The following CACNA2D3 variants were observed in gnomAD, a reference collection of about 807,000 sequenced individuals.
CACNA2D3 encodes the protein voltage-dependent calcium channel subunit alpha-2/delta-3.
CACNA2D3 carries 60 observed loss-of-function variants against 160.6 expected under a neutral mutation model. The ratio of observed to expected loss-of-function variants is 0.37; its 90% confidence interval spans 0.30 to 0.46. CACNA2D3 has a LOEUF of 0.46. Ranked by LOEUF, CACNA2D3 falls within the 20% of genes least tolerant of loss-of-function variation. The pLI is 1.00. For missense variants in CACNA2D3, 1,205 were observed against 1,365.0 expected, an observed-to-expected ratio of 0.88 and a Z score of 1.85; for synonymous variants, 558 against 492.9, an observed-to-expected ratio of 1.13 and a Z score of -1.75.
In CACNA2D3 at chr3:54,284,504, C is replaced by T. The variant is rs532029916; in HGVS notation, c.205-35938C>T. Among the ~76,000 whole-genome samples, 3 of 152,172 alleles carry T rather than the reference C, an allele frequency of 2.0e-5. No homozygotes were observed. The East Asian group carries it at 5.8e-4, about 29-fold the overall frequency. ...GTATATGGGAACTCTATTCCCTTTA[C>T]AGCTTTTCTGTAAATCTAGAATTAT... On this transcript the variant is annotated intron_variant, in intron 2 of 37. Coordinates refer to ENST00000474759, the MANE Select transcript of CACNA2D3 (RefSeq NM_018398.3).
chr3:54,143,457 T>C (rs946331165), intron 2 of CACNA2D3, among the ~76,000 whole-genome samples: 9 of 152,184 alleles, frequency 5.9e-5, no homozygotes, highest in African/African-American at 2.2e-4. Flanking sequence ...AACAACAAAC[T>C]GCTATCCCAT....
At chr3:54,404,021 A>G (rs1699525751) in intron 4 of CACNA2D3, among the ~76,000 whole-genome samples, 2 of 152,230 alleles carry the variant, frequency 1.3e-5, no homozygotes, top group South Asian at 4.1e-4. Flanking sequence ...ATAAAAGCCC[A>G]GGACCAGATG....
At chr3:54,401,535 C>T (rs1028424607) in intron 4 of CACNA2D3, among the ~76,000 whole-genome samples, 7 of 152,098 alleles carry the variant, frequency 4.6e-5, no homozygotes, top group African/African-American at 9.7e-5. Context: ...GGGAAATCAT[C>T]GTTAGAATGT....
chr3:54,734,894 A>G (rs923044480), intron 11 of CACNA2D3, among the ~76,000 whole-genome samples: 3 of 152,246 alleles, frequency 2.0e-5, no homozygotes, highest in Non-Finnish European at 4.4e-5. Flanking sequence ...GATGGGGATT[A>G]GCATCCAGAA....
At chr3:54,493,101 G>C (rs1212884411) in intron 4 of CACNA2D3, among the ~76,000 whole-genome samples, 1 of 113,618 alleles carries the variant, frequency 8.8e-6, no homozygotes, top group South Asian at 3.0e-4. Flanking sequence ...TTTTGGAGAC[G>C]GAGTCAGGCT....
At chr3:54,890,509 A>AC (rs1310284990) in intron 24 of CACNA2D3, among the ~76,000 whole-genome samples, 1 of 151,396 alleles carries the variant, frequency 6.6e-6, no homozygotes, top group East Asian at 1.9e-4. Context: ...AAAAAAAAAA[A>AC]AAAAAGAAAA....
At chr3:54,634,063 T>G (rs559658403) in intron 10 of CACNA2D3, among the ~76,000 whole-genome samples, 1 of 152,334 alleles carries the variant, frequency 6.6e-6, no homozygotes, top group Non-Finnish European at 1.5e-5. Context: ...CTCAAGTTAC[T>G]GCAACTTCAG....
At chr3:54,998,422 C>T (rs1702905446) in intron 31 of CACNA2D3, among the ~76,000 whole-genome samples, 1 of 152,178 alleles carries the variant, frequency 6.6e-6, no homozygotes, top group Non-Finnish European at 1.5e-5. Flanking sequence ...GCGTGAGCCA[C>T]CACACCTGGC....
At chr3:54,793,139 G>A (rs1702795958) in intron 13 of CACNA2D3, among the ~76,000 whole-genome samples, 1 of 152,192 alleles carries the variant, frequency 6.6e-6, no homozygotes, top group Non-Finnish European at 1.5e-5. Context: ...GGAGAGTAGA[G>A]GAGATGACAG....
At chr3:54,772,451 G>A (rs1322891350) in intron 13 of CACNA2D3, among the ~76,000 whole-genome samples, 1 of 152,050 alleles carries the variant, frequency 6.6e-6, no homozygotes, top group African/African-American at 2.4e-5. Flanking sequence ...CTGAGTTTGG[G>A]TTCTTGCACA....
intron 4 of CACNA2D3, among the ~76,000 whole-genome samples, chr3:54,432,731 C>A (rs1575451655): frequency 6.6e-6 from 1 of 152,170 alleles, no homozygotes; most frequent in East Asian, 1.9e-4. Flanking sequence ...TTCTAAATCC[C>A]TGCAGGCATT....
chr3:54,592,287 G>T (rs1470265922), intron 9 of CACNA2D3, among the ~76,000 whole-genome samples: 1 of 152,212 alleles, frequency 6.6e-6, no homozygotes. Flanking sequence ...AAACTGAGTT[G>T]TCCTGGAACA....
intron 20 of CACNA2D3, among the ~76,000 whole-genome samples, chr3:54,880,395 G>A (rs563630234): frequency 6.6e-5 from 10 of 152,316 alleles, no homozygotes; most frequent in African/African-American, 2.4e-4. Context: ...CCTTGAGCAG[G>A]GGTCAATTTC....
At chr3:54,752,541 T>C (rs1340307014) in intron 11 of CACNA2D3, 58 bp from the exon 12 acceptor site, 6 of 1,171,724 alleles carry the variant, frequency 5.1e-6, no homozygotes, top group Non-Finnish European at 7.6e-6. Context: ...ATGCATGTGA[T>C]CTGTGCAGGA....
intron 2 of CACNA2D3, chr3:54,273,070 G>A (rs1450866087): frequency 2.0e-5 from 3 of 152,346 alleles, no homozygotes; most frequent in African/African-American, 4.8e-5. Flanking sequence ...CCAGCTGCAC[G>A]TCCAGCTCTT....
At chr3:54,711,803 G>A (rs561499134) in intron 11 of CACNA2D3, among the ~76,000 whole-genome samples, 60 of 152,312 alleles carry the variant, frequency 3.9e-4, no homozygotes, top group African/African-American at 1.3e-3. Context: ...ACCAGACCAC[G>A]TAAGCTCTCT....
At chr3:54,375,289 T>C (rs935266841) in intron 3 of CACNA2D3, among the ~76,000 whole-genome samples, 1 of 152,228 alleles carries the variant, frequency 6.6e-6, no homozygotes, top group African/African-American at 2.4e-5. Flanking sequence ...AGACAACAGC[T>C]GTGTCTTATA....
chr3:54,765,398 A>G (rs543550726), intron 13 of CACNA2D3, among the ~76,000 whole-genome samples: 14 of 152,350 alleles, frequency 9.2e-5, no homozygotes, highest in African/African-American at 3.4e-4. Flanking sequence ...CATCTTGAAT[A>G]AAGATGAATG....
intron 35 of CACNA2D3, among the ~76,000 whole-genome samples, chr3:55,063,014 A>T (rs913883994): frequency 2.0e-5 from 3 of 152,252 alleles, no homozygotes; most frequent in Non-Finnish European, 4.4e-5. Flanking sequence ...TGTGGATTTT[A>T]TATGGGTGAT....
Sources: allele counts gnomAD v4.1 joint callset (sites outside exome capture counted in the v4.1 genomes callset), GRCh38; gene constraint gnomAD v4.1.1; transcripts MANE v1.5; gene names NCBI Gene and HGNC (gene_info 2026-07-23, HGNC 2026-07-21).